Variants in FAT4 observed in about 807,000 individuals in gnomAD.
FAT4 encodes the protein FAT atypical cadherin 4.
Under a neutral mutation model 303.9 loss-of-function variants are expected in FAT4, and 84 were observed. The ratio of observed to expected loss-of-function variants is 0.28; its 90% confidence interval spans 0.23 to 0.33. The LOEUF (loss-of-function observed/expected upper bound fraction) is 0.33. Ranked by LOEUF, FAT4 falls within the 10% of genes least tolerant of loss-of-function variation. The pLI is 1.00. For synonymous variants in FAT4, 2,307 were observed against 2,298.8 expected, an observed-to-expected ratio of 1.00 and a Z score of -0.10; for missense variants, 6,005 against 6,146.8, an observed-to-expected ratio of 0.98 and a Z score of 0.77.
chr4:125,395,612 C>A (rs1294466192), intron 2 of FAT4, among the ~76,000 whole-genome samples: 1 of 152,108 alleles, frequency 6.6e-6, no homozygotes, highest in Admixed American at 6.6e-5. Context: ...AACCACCGCG[C>A]CCGGCCATTA....
rs1269032699 is a variant in FAT4 at position 125,317,422 on chromosome 4, C to G, written c.1011C>G (p.Ala337=). 4 of 1,613,580 alleles carry G rather than the reference C, an allele frequency of 2.5e-6. No individual in the cohort carries two copies. The highest frequency in any genetic ancestry group is 2.2e-5 in the East Asian group (1 of 44,852). Residue 337 remains alanine, a synonymous_variant, in exon 2 of 18, where the codon GCC becomes GCG. Coordinates refer to ENST00000394329, the MANE Select transcript of FAT4 (RefSeq NM_001291303.3). The surrounding 1 kb of genome is among the most constrained non-coding windows in gnomAD (Gnocchi z 7.0). ...DRGVPSLTGR[A]EALIQLLDVN... The stretch of plus-strand genomic sequence containing the variant: ...GCGTGCCTTCCCTCACTGGGCGCGC[C>G]GAGGCGCTGATTCAGCTGCTGGACG...
At chr4:125,489,853 T>G in intron 17 of FAT4, 48 bp from the exon 18 acceptor site, 1 of 876,062 alleles carries the variant, frequency 1.1e-6, no homozygotes, top group East Asian at 3.6e-5. Context: ...AGCTCTTTTT[T>G]TTTTTTTTTT....
intron 2 of FAT4, among the ~76,000 whole-genome samples, chr4:125,360,492 G>C (rs780902634): frequency 1.3e-5 from 2 of 152,122 alleles, no homozygotes; most frequent in Non-Finnish European, 2.9e-5. Flanking sequence ...TCCCTCGGTA[G>C]AGTCCCACTG....
In FAT4 at chr4:125,449,535, G is replaced by A. The variant is rs146180798; in HGVS notation, c.8525G>A (p.Arg2842His). ...SRPLNREDTD[R>H]YRIRVSAHDS... Reference sequence around the variant, plus strand: ...CCTTTAAATAGGGAAGATACAGACCGTTACAGAATTCGAGTTTCCGCACAT... The same window carrying A: ...CCTTTAAATAGGGAAGATACAGACCATTACAGAATTCGAGTTTCCGCACAT... Residue 2842 changes from arginine to histidine, a missense_variant, in exon 10 of 18, where the codon CGT (arginine) becomes CAT (histidine). Physicochemically the swap from Arg to His is conservative, Grantham distance 29. Transcript: ENST00000394329. The A allele has an allele frequency of 1.3e-4, 215 of 1,613,540 alleles. 1 individual carries two copies. The highest frequency in any genetic ancestry group is 6.7e-4 in the East Asian group (30 of 44,826).
At chr4:125,479,675 T>C in intron 14 of FAT4, 66 bp from the exon 15 acceptor site, 1 of 1,408,890 alleles carries the variant, frequency 7.1e-7, no homozygotes, top group Non-Finnish European at 9.5e-7. Flanking sequence ...AAAGTGTATA[T>C]TGAGTTTTAG....
Position 125,316,521 on chromosome 4 carries a change from A to C in FAT4, c.110A>C (p.Gln37Pro), listed in dbSNP as rs746776484. The change falls in exon 2 of 18, where the codon CAG becomes CCG. Residue 37 changes from glutamine to proline, a missense_variant. Gln to Pro is a moderately conservative substitution (Grantham distance 76). Coordinates refer to ENST00000394329, the MANE Select transcript of FAT4 (RefSeq NM_001291303.3). The surrounding 1 kb of genome is among the most constrained non-coding windows in gnomAD (Gnocchi z 5.7). ...TGGCTACTGTCATTGCTTCCGGGGC[A>C]GGCCTGGGTCCACGGGGCCGAGCCG... ...VFWLLSLLPG[Q>P]AWVHGAEPRQ... is the part of the protein sequence containing the mutation. The C allele has an allele frequency of 6.2e-7, 1 of 1,613,952 alleles. No individual in the cohort carries two copies. The highest frequency in any genetic ancestry group is 1.7e-5 in the Admixed American group (1 of 60,018).
At chr4:125,372,268 G>A (rs1733145993) in intron 2 of FAT4, among the ~76,000 whole-genome samples, 1 of 151,814 alleles carries the variant, frequency 6.6e-6, no homozygotes, top group African/African-American at 2.4e-5. Context: ...AGGCTGAGGT[G>A]GGAGGATCGC....
At chr4:125,362,141 A>G (rs1732699462) in intron 2 of FAT4, among the ~76,000 whole-genome samples, 2 of 152,000 alleles carry the variant, frequency 1.3e-5, no homozygotes, top group Non-Finnish European at 2.9e-5. Flanking sequence ...TGATAATACA[A>G]TGTTTCCTTG....
At chr4:125,383,057 G>A (rs1043746026) in intron 2 of FAT4, among the ~76,000 whole-genome samples, 2 of 152,042 alleles carry the variant, frequency 1.3e-5, no homozygotes, top group African/African-American at 2.4e-5. Flanking sequence ...TTTTCTTCGT[G>A]TCAGCAATAA....
At chr4:125,381,493 A>G (rs1733540791) in intron 2 of FAT4, among the ~76,000 whole-genome samples, 1 of 152,238 alleles carries the variant, frequency 6.6e-6, no homozygotes, top group Non-Finnish European at 1.5e-5. Context: ...TTAAGTGTGC[A>G]ATAACATTAC....
At chr4:125,394,345 A>G (rs184666091) in intron 2 of FAT4, among the ~76,000 whole-genome samples, 1 of 152,312 alleles carries the variant, frequency 6.6e-6, no homozygotes, top group African/African-American at 2.4e-5. Context: ...TTTGAATGCA[A>G]TTTTACCTCC....
chr4:125,370,778 T>C (rs1424165128), intron 2 of FAT4, among the ~76,000 whole-genome samples: 2 of 152,098 alleles, frequency 1.3e-5, no homozygotes, highest in Non-Finnish European at 2.9e-5. Flanking sequence ...AGTTTGAAAA[T>C]TTCAAATTGA....
intron 2 of FAT4, among the ~76,000 whole-genome samples, chr4:125,374,237 G>C (rs532669966): frequency 1.8e-4 from 27 of 152,042 alleles, no homozygotes; most frequent in Middle Eastern, 3.2e-3. Context: ...TACATCCCTC[G>C]TTGTAAAAGG....
At chr4:125,372,236 C>T (rs555030647) in intron 2 of FAT4, among the ~76,000 whole-genome samples, 1 of 151,920 alleles carries the variant, frequency 6.6e-6, no homozygotes, top group South Asian at 2.1e-4. Flanking sequence ...GTGGTACACA[C>T]CTGCAGTTCC....
intron 7 of FAT4, among the ~76,000 whole-genome samples, chr4:125,432,201 C>A (rs781600740): frequency 1.3e-5 from 2 of 152,114 alleles, no homozygotes; most frequent in Non-Finnish European, 2.9e-5. Flanking sequence ...CAGCACTGTT[C>A]CCCCTACTGG....
intron 2 of FAT4, among the ~76,000 whole-genome samples, chr4:125,328,139 T>C (rs898646250): frequency 1.3e-5 from 2 of 152,212 alleles, no homozygotes; most frequent in African/African-American, 4.8e-5. Context: ...GTAAATATTT[T>C]CTAATAATTT....
Position 125,318,454 on chromosome 4 carries a change from T to A in FAT4, c.2043T>A (p.Asp681Glu). ...CTCGCATAAATGTGAGTCTTCTGGA[T>A]ATAAATGATAACAGCCCTGTCTTCT... ...SMARINVSLL[D>E]INDNSPVFYP... Residue 681 changes from aspartate (D) to glutamate (E), a missense_variant, in exon 2 of 18, where the codon GAT becomes GAA. By Grantham distance (45) the Asp-to-Glu change is conservative. Coordinates refer to ENST00000394329, the MANE Select transcript of FAT4 (RefSeq NM_001291303.3). 1 of 1,614,186 alleles carries A rather than the reference T, an allele frequency of 6.2e-7. No homozygotes were observed. Among genetic ancestry groups the A allele is most frequent in the Non-Finnish European group, 8.5e-7 (1 of 1,180,042 alleles).
At chr4:125,430,173 A>C (rs1725236736) in intron 7 of FAT4, among the ~76,000 whole-genome samples, 1 of 133,718 alleles carries the variant, frequency 7.5e-6, no homozygotes, top group Non-Finnish European at 1.6e-5. Flanking sequence ...AAAAAAAAAA[A>C]GCAAACACAC....
rs748605171 is a variant in FAT4 at position 125,490,178 on chromosome 4, C to T, written c.13362C>T (p.Ser4454=). The change falls in exon 18 of 18, where the codon AGC becomes AGT. Residue 4454 remains serine, a synonymous_variant. Transcript: ENST00000394329. ...GCCTGCACTCCGGCTTCACCTGTAG[C>T]TGCCCAGACTCGCACACGGGAAGGA... ...EPGLHSGFTC[S]CPDSHTGRTC... The T allele has an allele frequency of 3.1e-6, 5 of 1,614,018 alleles. No homozygotes were observed. In the East Asian group the frequency reaches 6.7e-5, roughly 22 times the overall value.
Sources: gnomAD v4.1 joint callset for allele counts (sites outside exome capture counted in the v4.1 genomes callset) on GRCh38, gnomAD v4.1.1 for gene constraint, Gnocchi (gnomAD v3.1) non-coding constraint, MANE v1.5 for transcripts, NCBI Gene and HGNC (gene_info 2026-07-23, HGNC 2026-07-21) for gene names.